TOPAZ1: variants seen among roughly 807,000 people sequenced by gnomAD.
TOPAZ1 encodes protein TOPAZ1.
In TOPAZ1, 66 loss-of-function variants were observed where a neutral mutation model predicts 172.2. That is an observed-to-expected ratio of 0.38 (90% CI 0.31 to 0.47). The LOEUF (loss-of-function observed/expected upper bound fraction) is 0.47. Ranked by LOEUF, TOPAZ1 falls within the 20% of genes least tolerant of loss-of-function variation. TOPAZ1 has a pLI of 0.99. For synonymous variants in TOPAZ1, 681 were observed against 683.9 expected (o/e 1.00, Z 0.07); for missense variants, 1,822 against 1,972.4 (o/e 0.92, Z 1.44).
chr3:44,269,915 T>G (rs1699877609), intron 7 of TOPAZ1, among the ~76,000 whole-genome samples: 1 of 152,194 alleles, frequency 6.6e-6, no homozygotes, highest in Admixed American at 6.5e-5. Context: ...TGAGCCACTG[T>G]GCCCAGCCTA....
downstream of TOPAZ1, among the ~76,000 whole-genome samples, chr3:44,333,609 T>C (rs1351220645): frequency 6.6e-6 from 1 of 151,736 alleles, no homozygotes; most frequent in East Asian, 1.9e-4. Flanking sequence ...AAAAATGGGA[T>C]TGGATGGAAT....
At chr3:44,332,992 G>GT (rs1258235400), downstream of TOPAZ1, among the ~76,000 whole-genome samples, 1 of 149,288 alleles carries the variant, frequency 6.7e-6, no homozygotes, top group African/African-American at 2.5e-5. Context: ...TTTTTTTTGT[G>GT]GTTTTTTTTT....
intron 16 of TOPAZ1, among the ~76,000 whole-genome samples, chr3:44,312,231 C>CAAA (rs1159011578): frequency 5.2e-5 from 3 of 58,172 alleles, no homozygotes; most frequent in African/African-American, 1.9e-4. Flanking sequence ...ATTGCAAAGC[C>CAAA]AAAAAAAAAA....
At chr3:44,307,248 C>T (rs938582716) in intron 15 of TOPAZ1, among the ~76,000 whole-genome samples, 3 of 152,036 alleles carry the variant, frequency 2.0e-5, no homozygotes, top group Non-Finnish European at 4.4e-5. Context: ...TCTCGAACTC[C>T]CAGTCTCAGT....
At chr3:44,299,601 G>A (rs969363410) in intron 12 of TOPAZ1, among the ~76,000 whole-genome samples, 2 of 152,028 alleles carry the variant, frequency 1.3e-5, no homozygotes, top group Non-Finnish European at 2.9e-5. Flanking sequence ...CCCATTACTG[G>A]GTATATACCG....
intron 2 of TOPAZ1, among the ~76,000 whole-genome samples, chr3:44,252,710 A>G (rs550796475): frequency 2.6e-5 from 4 of 152,270 alleles, no homozygotes; most frequent in African/African-American, 9.6e-5. Context: ...TTCCAGGGAT[A>G]TGTTCCAGTA....
intron 12 of TOPAZ1, among the ~76,000 whole-genome samples, chr3:44,299,202 T>G (rs1471240519): frequency 6.6e-6 from 1 of 151,762 alleles, no homozygotes; most frequent in African/African-American, 2.4e-5. Context: ...ATTACAGGCA[T>G]GAGCCACCGT....
At chr3:44,280,961 T>C (rs923173053) in intron 8 of TOPAZ1, among the ~76,000 whole-genome samples, 4 of 152,218 alleles carry the variant, frequency 2.6e-5, no homozygotes, top group African/African-American at 9.6e-5. Flanking sequence ...TTTGTGGGAC[T>C]GAGCATGAGC....
intron 4 of TOPAZ1, among the ~76,000 whole-genome samples, chr3:44,257,352 G>GGTGTGTGT (rs59827431): frequency 0.023 from 2,514 of 110,218 alleles, 61 homozygotes; most frequent in Middle Eastern, 0.031. Context: ...AAAACATAGG[G>GGTGTGTGT]GTGTGTGTGT....
At position 44,305,299 on chromosome 3, in the gene TOPAZ1, C is replaced by G; in HGVS notation, c.4017C>G (p.Pro1339=). Residue 1339 remains proline, a synonymous_variant, in exon 14 of 20, where the codon CCC becomes CCG. Transcript: ENST00000309765. ...ATGAAGATGAAAGACCAGATATTCCCTTTTGTGAATTTGCTGAAACAGGTA... is the reference window on the plus strand; with the variant it reads ...ATGAAGATGAAAGACCAGATATTCCGTTTTGTGAATTTGCTGAAACAGGTA... ...KNYEDERPDI[P]FCEFAETVSK... is the part of the protein sequence containing the mutation. The G allele has an allele frequency of 6.5e-7, 1 of 1,539,570 alleles. No homozygotes were observed.
intron 16 of TOPAZ1, among the ~76,000 whole-genome samples, chr3:44,310,481 A>C: frequency 6.6e-6 from 1 of 152,162 alleles, no homozygotes; most frequent in East Asian, 1.9e-4. Context: ...CCTGGGCAAC[A>C]GAACGAGACT....
chr3:44,315,105 G>GATGGA (rs1700436468), intron 16 of TOPAZ1, among the ~76,000 whole-genome samples: 1 of 149,888 alleles, frequency 6.7e-6, no homozygotes, highest in African/African-American at 2.5e-5. Context: ...ATTAGTTGAG[G>GATGGA]TGGATGGATG....
intron 9 of TOPAZ1, among the ~76,000 whole-genome samples, 159 bp from the exon 10 acceptor site, chr3:44,287,230 T>C (rs1700089677): frequency 6.6e-6 from 1 of 152,252 alleles, no homozygotes; most frequent in Admixed American, 6.5e-5. Context: ...ACTTTTGCTT[T>C]AATTTTCATC....
At chr3:44,260,729 T>G (rs1699766008) in intron 4 of TOPAZ1, among the ~76,000 whole-genome samples, 1 of 152,272 alleles carries the variant, frequency 6.6e-6, no homozygotes, top group Admixed American at 6.5e-5. Context: ...CCCTCCAAAT[T>G]ATATACTCAT....
rs532586609 is a variant in TOPAZ1, at chr3:44,279,811, A to G, written c.3373-2157A>G. 3.5e-4 allele frequency among the ~76,000 whole-genome samples: 53 copies of G among 152,272 alleles called. 1 individual carries two copies. Among genetic ancestry groups the G allele is most frequent in the African/African-American group, 1.3e-3 (53 of 41,576 alleles). ...TGGAAAGTTTAACTCCTTTACATTCAAGGTTATTATTGATGTGTGAGGGCT... is the reference window on the plus strand; with the variant it reads ...TGGAAAGTTTAACTCCTTTACATTCGAGGTTATTATTGATGTGTGAGGGCT... On this transcript the variant is annotated intron_variant, in intron 8 of 19. Transcript: ENST00000309765.
intron 12 of TOPAZ1, among the ~76,000 whole-genome samples, chr3:44,297,980 AAATAAATAGAGAT>A (rs1700218520): frequency 6.6e-6 from 1 of 152,228 alleles, no homozygotes; most frequent in Non-Finnish European, 1.5e-5. Context: ...TTGAAAGATT[AAATAAATAGAGAT>A]ACTACATTCA....
intron 16 of TOPAZ1, among the ~76,000 whole-genome samples, chr3:44,312,121 T>C (rs1356619480): frequency 6.6e-6 from 1 of 151,932 alleles, no homozygotes. Flanking sequence ...GTAGCTTAAA[T>C]GCTCATTAAG....
At position 44,244,466 on chromosome 3, in the gene TOPAZ1, T is replaced by C; in HGVS notation, c.1960T>C (p.Ser654Pro). ...CAAAGATGGTCAGGAAGCAAATAAC[T>C]CTGCAGGCAAAACTATTCATCGAAA... ...TSKDGQEANN[S>P]AGKTIHRKAC... Residue 654 changes from serine (S) to proline (P), a missense_variant, in exon 2 of 20, where the codon TCT (serine) becomes CCT (proline). Around this residue, in one of 2 missense-constraint regions of TOPAZ1, gnomAD observed 1,489 missense variants for 1,490.8 expected, o/e 1.00. Transcript: ENST00000309765. 1.3e-6 allele frequency: 2 copies of C among 1,551,654 alleles called. No homozygotes were observed. The highest frequency in any genetic ancestry group is 1.7e-6 in the Non-Finnish European group (2 of 1,146,954).
intron 12 of TOPAZ1, among the ~76,000 whole-genome samples, chr3:44,291,695 TA>T (rs200756712): frequency 2.1e-3 from 289 of 136,948 alleles, no homozygotes; most frequent in East Asian, 4.1e-3. Flanking sequence ...GGCCATGACT[TA>T]AAAAAAAAAA....
Sources: allele counts gnomAD v4.1 joint callset (sites outside exome capture counted in the v4.1 genomes callset), GRCh38; gene constraint gnomAD v4.1.1; regional missense constraint gnomAD v4.1.1; transcripts MANE v1.5; gene names NCBI Gene and HGNC (gene_info 2026-07-23, HGNC 2026-07-21).